The following SGCZ variants were observed in gnomAD, a reference collection of about 807,000 sequenced individuals.
SGCZ encodes zeta-sarcoglycan.
In SGCZ, 40 loss-of-function variants were observed where a neutral mutation model predicts 41.3. That is an observed-to-expected ratio of 0.97 (90% CI 0.75 to 1.26). The LOEUF is 1.26. Among genes scored for constraint, SGCZ ranks in the 50% most tolerant of loss-of-function variants. The pLI, the probability that SGCZ is intolerant of heterozygous loss-of-function variation, is 0.00. For missense variants in SGCZ, 552 were observed against 369.8 expected, an observed-to-expected ratio of 1.49 and a Z score of -4.04; for synonymous variants, 206 against 137.5, an observed-to-expected ratio of 1.50 and a Z score of -3.49.
rs949880703 is a variant in SGCZ at position 15,110,968 on chromosome 8, T to C, written c.39+126617A>G. Among the ~76,000 whole-genome samples the C allele has an allele frequency of 2.0e-5, 3 of 151,876 alleles. No individual in the cohort carries two copies. In the East Asian group the frequency reaches 5.8e-4, roughly 29 times the overall value. On this transcript the variant is annotated intron_variant, in intron 1 of 7. Coordinates refer to ENST00000382080, the MANE Select transcript of SGCZ (RefSeq NM_139167.4). ...GGGCAAAAAAAAGTGAAACTCCATC[T>C]CAAAAAGAAAAAAGAAAAAGTTTTG...
intron 5 of SGCZ, among the ~76,000 whole-genome samples, chr8:14,116,863 C>G (rs753064058): frequency 6.6e-6 from 1 of 152,068 alleles, no homozygotes; most frequent in Non-Finnish European, 1.5e-5. Flanking sequence ...GAAGTTTCTA[C>G]AGCAAGAACA....
chr8:14,729,156 C>T (rs1810151751), intron 1 of SGCZ, among the ~76,000 whole-genome samples: 1 of 152,042 alleles, frequency 6.6e-6, no homozygotes, highest in African/African-American at 2.4e-5. Flanking sequence ...GCTTGAATAC[C>T]CACACCACTA....
Position 14,086,192 on chromosome 8 carries a change from T to C in SGCZ, c.*4251A>G, listed in dbSNP as rs913342438. Among the ~76,000 whole-genome samples, 26 of 151,822 alleles carry C rather than the reference T, an allele frequency of 1.7e-4. No homozygotes were observed. Among genetic ancestry groups the C allele is most frequent in the Non-Finnish European group, 2.4e-4 (16 of 67,752 alleles). Reference sequence around the variant, plus strand: ...GAATTAGGTGACAAGACCTCACTCATATAAAACTCAAATATGAATTTGGCT... The same window carrying C: ...GAATTAGGTGACAAGACCTCACTCACATAAAACTCAAATATGAATTTGGCT... On this transcript the variant is annotated 3_prime_UTR_variant, in exon 8 of 8. Transcript: ENST00000382080.
In SGCZ at chr8:15,099,193, G is replaced by A. The variant is rs1042432460; in HGVS notation, c.39+138392C>T. ...AAGCCAAATAAGAGAGGAATTAATC[G>A]TGTAGTCTTTGTGATTGGCCTTGTG... On this transcript the variant is annotated intron_variant, in intron 1 of 7. Coordinates refer to ENST00000382080, the MANE Select transcript of SGCZ (RefSeq NM_139167.4). Among the ~76,000 whole-genome samples, 38 of 152,310 alleles carry A rather than the reference G, an allele frequency of 2.5e-4. 1 individual carries two copies. Among genetic ancestry groups the A allele is most frequent in the Admixed American group, 2.0e-3 (30 of 15,298 alleles).
chr8:14,266,837 G>C (rs1300392882), intron 3 of SGCZ, among the ~76,000 whole-genome samples: 1 of 152,040 alleles, frequency 6.6e-6, no homozygotes, highest in African/African-American at 2.4e-5. Context: ...ACATAAACTG[G>C]TAATCACAAA....
intron 7 of SGCZ, among the ~76,000 whole-genome samples, chr8:14,095,782 G>A (rs528756806): frequency 3.0e-4 from 46 of 152,218 alleles, no homozygotes; most frequent in Middle Eastern, 3.4e-3. Context: ...ATTTCCCTGA[G>A]CAGTGGCTTG....
chr8:15,216,595 G>A (rs1161310053), intron 1 of SGCZ, among the ~76,000 whole-genome samples: 1 of 151,770 alleles, frequency 6.6e-6, no homozygotes, highest in East Asian at 1.9e-4. Flanking sequence ...AGAATTCCCA[G>A]GAAACTGTCA....
intron 1 of SGCZ, among the ~76,000 whole-genome samples, chr8:14,969,938 T>C (rs1228650275): frequency 2.0e-5 from 3 of 152,142 alleles, no homozygotes; most frequent in Non-Finnish European, 4.4e-5. Context: ...ATTGCCAAAC[T>C]ATATTCCAAA....
At chr8:14,651,994 G>T (rs1226101984) in intron 1 of SGCZ, among the ~76,000 whole-genome samples, 1 of 151,864 alleles carries the variant, frequency 6.6e-6, no homozygotes, top group African/African-American at 2.4e-5. Flanking sequence ...TACCAGCTGT[G>T]TTTCCTGTGA....
chr8:15,094,267 T>G (rs1245371627), intron 1 of SGCZ, among the ~76,000 whole-genome samples: 1 of 152,090 alleles, frequency 6.6e-6, no homozygotes, highest in African/African-American at 2.4e-5. Flanking sequence ...CCTGAGTAAC[T>G]GAGATTACAG....
At chr8:14,313,621 C>T (rs1158181817) in intron 3 of SGCZ, among the ~76,000 whole-genome samples, 1 of 152,168 alleles carries the variant, frequency 6.6e-6, no homozygotes. Flanking sequence ...CAGGTGTGGG[C>T]CACCATGCCT....
chr8:15,012,488 T>C (rs1400332087), intron 1 of SGCZ, among the ~76,000 whole-genome samples: 1 of 142,640 alleles, frequency 7.0e-6, no homozygotes, highest in Non-Finnish European at 1.5e-5. Context: ...TATATATATA[T>C]ATAAAATAAA....
chr8:15,098,929 G>C (rs949301076), intron 1 of SGCZ, among the ~76,000 whole-genome samples: 16 of 152,104 alleles, frequency 1.1e-4, no homozygotes, highest in Non-Finnish European at 1.6e-4. Context: ...GTGGTGGTGG[G>C]TGCCTGTAAT....
At chr8:14,342,126 T>C (rs758185500) in intron 2 of SGCZ, among the ~76,000 whole-genome samples, 10 of 152,112 alleles carry the variant, frequency 6.6e-5, no homozygotes, top group Non-Finnish European at 1.5e-4. Context: ...CAAATGCTGA[T>C]AGGGATATGA....
intron 2 of SGCZ, among the ~76,000 whole-genome samples, chr8:14,428,810 G>T (rs892439839): frequency 6.6e-5 from 10 of 152,136 alleles, no homozygotes; most frequent in African/African-American, 2.2e-4. Flanking sequence ...CCTGCACATG[G>T]ATATAAGTTC....
chr8:14,477,572 A>G (rs1429529503), intron 2 of SGCZ, among the ~76,000 whole-genome samples: 1 of 152,150 alleles, frequency 6.6e-6, no homozygotes, highest in Non-Finnish European at 1.5e-5. Context: ...GTAGTTTATC[A>G]TCTACTAAAT....
Position 14,513,811 on chromosome 8 carries a change from A to G in SGCZ, c.234+40921T>C, listed in dbSNP as rs1191987234. Among the ~76,000 whole-genome samples, 5 of 152,080 alleles carry G rather than the reference A, an allele frequency of 3.3e-5. No homozygotes were observed. The East Asian group carries it at 9.7e-4, about 29-fold the overall frequency. On this transcript the variant is annotated intron_variant, in intron 2 of 7. Coordinates refer to ENST00000382080, the MANE Select transcript of SGCZ (RefSeq NM_139167.4). ...CCCCAATATATCGAAATGTATTTGA[A>G]TCTTCCTCCCTCTATGAAAATGTCA...
At chr8:15,180,208 G>A (rs1178585816) in intron 1 of SGCZ, among the ~76,000 whole-genome samples, 2 of 152,056 alleles carry the variant, frequency 1.3e-5, no homozygotes, top group Admixed American at 1.3e-4. Context: ...TACAAACAGG[G>A]AAATAATCCA....
chr8:14,929,289 C>A (rs1799858846), intron 1 of SGCZ, among the ~76,000 whole-genome samples: 1 of 152,154 alleles, frequency 6.6e-6, no homozygotes, highest in African/African-American at 2.4e-5. Flanking sequence ...CTGCGCCTGG[C>A]CAATGACTGC....
Sources: allele counts gnomAD v4.1 joint callset (sites outside exome capture counted in the v4.1 genomes callset), GRCh38; gene constraint gnomAD v4.1.1; transcripts MANE v1.5; gene names NCBI Gene and HGNC (gene_info 2026-07-23, HGNC 2026-07-21).